Variants in GPHN observed in about 807,000 individuals in gnomAD.
GPHN encodes gephyrin.
In GPHN, 17 loss-of-function variants were observed where a neutral mutation model predicts 95.5. The ratio of observed to expected loss-of-function variants is 0.18; its 90% CI spans 0.12 to 0.27. GPHN has a LOEUF of 0.27. GPHN is among the 10% of genes least tolerant of loss of function. The pLI, the probability that GPHN is intolerant of heterozygous loss-of-function variation, is 1.00. For missense variants in GPHN, 660 were observed against 978.1 expected, an observed-to-expected ratio of 0.67 and a Z score of 4.34; for synonymous variants, 320 against 322.5, an observed-to-expected ratio of 0.99 and a Z score of 0.08.
At chr14:67,548,979 CAT>C in the GPHN span, among the ~76,000 whole-genome samples, 1 of 152,200 alleles carries the variant, frequency 6.6e-6, no homozygotes, top group African/African-American at 2.4e-5. Flanking sequence ...CCTTCCACCT[CAT>C]ATGGATTATA....
the GPHN span, chr14:67,317,289 C>G: frequency 4.7e-6 from 4 of 855,306 alleles, no homozygotes; most frequent in Non-Finnish European, 7.1e-6. Context: ...ATATGGAGAT[C>G]TCGTTTCTGC....
chr14:67,063,415 G>A (rs896155696), intron 11 of GPHN, among the ~76,000 whole-genome samples: 4 of 152,196 alleles, frequency 2.6e-5, no homozygotes, highest in African/African-American at 9.7e-5. Context: ...GGCAATGAGA[G>A]CTCTTTTTTG....
chr14:66,776,159 A>T (rs1161534212), intron 2 of GPHN, among the ~76,000 whole-genome samples: 1 of 152,194 alleles, frequency 6.6e-6, no homozygotes, highest in Non-Finnish European at 1.5e-5. Context: ...TTCCTGATGC[A>T]TGTTAGCTGT....
chr14:67,045,743 ATCTC>A (rs1326970479), intron 10 of GPHN, among the ~76,000 whole-genome samples: 2 of 108,482 alleles, frequency 1.8e-5, no homozygotes, highest in African/African-American at 7.2e-5. Flanking sequence ...CTCTCTGTCC[ATCTC>A]TCTGTCTCTG....
the GPHN span, among the ~76,000 whole-genome samples, chr14:67,191,564 T>G: frequency 6.6e-6 from 1 of 152,272 alleles, no homozygotes; most frequent in South Asian, 2.1e-4. Flanking sequence ...AATTTCCAGA[T>G]GACTGCATTT....
chr14:67,543,437 A>G, the GPHN span, among the ~76,000 whole-genome samples: 1 of 152,200 alleles, frequency 6.6e-6, no homozygotes. Context: ...ATGAATATAC[A>G]TCAGGAAAGG....
At chr14:67,506,281 G>T in the GPHN span, among the ~76,000 whole-genome samples, 1 of 152,112 alleles carries the variant, frequency 6.6e-6, no homozygotes, top group Non-Finnish European at 1.5e-5. Context: ...AGTGATCACA[G>T]AACCGTCTCC....
chr14:67,708,447 TA>T, the GPHN span, among the ~76,000 whole-genome samples: 6 of 152,144 alleles, frequency 3.9e-5, no homozygotes, highest in Admixed American at 1.3e-4. Flanking sequence ...TAGCTGATTA[TA>T]AAACCACCTT....
At chr14:66,650,420 C>A (rs2064987972) in intron 1 of GPHN, among the ~76,000 whole-genome samples, 1 of 152,160 alleles carries the variant, frequency 6.6e-6, no homozygotes, top group African/African-American at 2.4e-5. Context: ...AGCTAAGGAG[C>A]CCTTTACATG....
At chr14:67,681,374 A>G in the GPHN span, among the ~76,000 whole-genome samples, 8 of 152,266 alleles carry the variant, frequency 5.3e-5, no homozygotes, top group African/African-American at 1.9e-4. Context: ...AGACTAATAC[A>G]GATACCAAGA....
At chr14:67,418,301 C>T in the GPHN span, among the ~76,000 whole-genome samples, 1 of 152,198 alleles carries the variant, frequency 6.6e-6, no homozygotes, top group Non-Finnish European at 1.5e-5. Flanking sequence ...CTTGCTCTTT[C>T]CACTACTCCA....
At chr14:67,486,380 T>C in the GPHN span, among the ~76,000 whole-genome samples, 1 of 152,254 alleles carries the variant, frequency 6.6e-6, no homozygotes, top group African/African-American at 2.4e-5. Context: ...GTTCAAGCGA[T>C]TCTCCTGCCT....
chr14:67,687,705 A>G, the GPHN span, among the ~76,000 whole-genome samples: 1 of 151,678 alleles, frequency 6.6e-6, no homozygotes, highest in African/African-American at 2.4e-5. Context: ...TCCTGACCTC[A>G]GGTGATCTAC....
chr14:67,478,335 C>G, the GPHN span, among the ~76,000 whole-genome samples: 25 of 152,262 alleles, frequency 1.6e-4, no homozygotes, highest in African/African-American at 6.0e-4. Context: ...CAGCTACTAA[C>G]TCCCACCCTT....
chr14:67,575,845 T>C, the GPHN span: 2 of 1,613,734 alleles, frequency 1.2e-6, no homozygotes, highest in Non-Finnish European at 8.5e-7. Flanking sequence ...TGCCTGCCTG[T>C]GCGGGATGCG....
chr14:67,575,371 C>G, the GPHN span: 1 of 1,497,018 alleles, frequency 6.7e-7, no homozygotes, highest in Non-Finnish European at 9.2e-7. Context: ...CTCATAATGC[C>G]AGTTCATTTC....
chr14:66,555,140 C>T (rs929060591), intron 1 of GPHN, among the ~76,000 whole-genome samples: 3 of 150,926 alleles, frequency 2.0e-5, no homozygotes, highest in African/African-American at 7.4e-5. Flanking sequence ...ACAAAAGAAG[C>T]GTAAGTACTT....
the GPHN span, among the ~76,000 whole-genome samples, chr14:67,599,406 GA>G: frequency 2.0e-5 from 3 of 152,168 alleles, no homozygotes; most frequent in Admixed American, 1.3e-4. Flanking sequence ...AATGAATCTG[GA>G]AATTGAGCAC....
At chr14:66,701,828 A>G (rs2068582854) in intron 2 of GPHN, among the ~76,000 whole-genome samples, 1 of 152,160 alleles carries the variant, frequency 6.6e-6, no homozygotes, top group Admixed American at 6.5e-5. Context: ...TGTCTAAGCC[A>G]TTTGAGATCC....
Sources: gnomAD v4.1 joint callset for allele counts (sites outside exome capture counted in the v4.1 genomes callset) on GRCh38, gnomAD v4.1.1 for gene constraint, MANE v1.5 for transcripts, NCBI Gene and HGNC (gene_info 2026-07-23, HGNC 2026-07-21) for gene names.